DNAAF11: variants seen among roughly 807,000 people sequenced by gnomAD.
DNAAF11 encodes the protein dynein axonemal assembly factor 11, also known as leucine rich repeat containing 6.
In DNAAF11, 45 loss-of-function variants were observed where a neutral mutation model predicts 60.8. The observed-to-expected ratio is 0.74, with a 90% confidence interval of 0.58 to 0.95. The LOEUF is 0.95. Ranked by LOEUF, DNAAF11 falls within the 40% of genes least tolerant of loss-of-function variation. The pLI is 0.00. For missense variants in DNAAF11, 546 were observed against 546.2 expected (o/e 1.00, Z 0.00); for synonymous variants, 191 against 183.5 (o/e 1.04, Z -0.33).
chr8:132,587,630 G>A (rs1199964648), intron 10 of DNAAF11, among the ~76,000 whole-genome samples: 1 of 152,098 alleles, frequency 6.6e-6, no homozygotes, highest in African/African-American at 2.4e-5. Flanking sequence ...AATGTGTTTA[G>A]GAATGACTAA....
At chr8:132,674,762 G>A (rs1452915526) in intron 1 of DNAAF11, among the ~76,000 whole-genome samples, 1 of 152,174 alleles carries the variant, frequency 6.6e-6, no homozygotes, top group East Asian at 1.9e-4. Flanking sequence ...GGTGGTGCAC[G>A]CTGTAATCCC....
chr8:132,599,200 T>A (rs1376767441), intron 10 of DNAAF11, among the ~76,000 whole-genome samples: 2 of 152,066 alleles, frequency 1.3e-5, no homozygotes, highest in Admixed American at 6.5e-5. Flanking sequence ...CCTGGACATA[T>A]ACACCACCCC....
chr8:132,616,450 G>C (rs1168294277), intron 7 of DNAAF11, among the ~76,000 whole-genome samples: 1 of 152,156 alleles, frequency 6.6e-6, no homozygotes, highest in East Asian at 1.9e-4. Context: ...GGTGGGGTCA[G>C]TGAGATGTGG....
At chr8:132,579,454 A>G (rs1815092262) in intron 11 of DNAAF11, among the ~76,000 whole-genome samples, 2 of 152,150 alleles carry the variant, frequency 1.3e-5, no homozygotes, top group Admixed American at 6.5e-5. Context: ...GAAGCAGCCC[A>G]TCCTAGATTG....
chr8:132,696,915 G>A, the DNAAF11 span, among the ~76,000 whole-genome samples: 61 of 152,146 alleles, frequency 4.0e-4, no homozygotes, highest in African/African-American at 1.4e-3. Context: ...GGAGGGAGAG[G>A]AGCAGAAAAA....
intron 3 of DNAAF11, among the ~76,000 whole-genome samples, chr8:132,642,949 C>T (rs78737468): frequency 0.023 from 3,435 of 152,224 alleles, 157 homozygotes; most frequent in African/African-American, 0.078. Context: ...TTTCCACGGA[C>T]GGTGGGGTGG....
intron 5 of DNAAF11, among the ~76,000 whole-genome samples, chr8:132,628,023 C>T (rs917436323): frequency 2.0e-5 from 3 of 152,138 alleles, no homozygotes; most frequent in African/African-American, 7.2e-5. Flanking sequence ...TGATAATCCA[C>T]CCCCTAGTGA....
chr8:132,578,347 A>C lies in DNAAF11; in HGVS notation c.1226+5347T>G, dbSNP rs1017787691. On this transcript the variant is annotated intron_variant, in intron 11 of 11. Coordinates refer to ENST00000620350, the MANE Select transcript of DNAAF11 (RefSeq NM_012472.6). ...TGGAGTCAAAAACAGTAAGCAGCTA[A>C]GCCTGGGGCACTTGAAGATCACAAT... The C allele has an allele frequency of 1.1e-5, 10 of 918,228 alleles. No homozygotes were observed. The African/African-American group carries it at 1.7e-4, about 16-fold the overall frequency. The allele number at this position is 918,228 out of a possible 1,614,324, so 56.9% of individuals were successfully genotyped here.
At position 132,610,334 on chromosome 8, in the gene DNAAF11, T is replaced by C. The variant is rs1818536350; in HGVS notation, c.1045-73A>G. 3.2e-6 allele frequency: 3 copies of C among 934,210 alleles called. No individual in the cohort carries two copies. The Admixed American group carries it at 5.4e-5, about 17-fold the overall frequency. 57.9% of individuals were successfully genotyped at this position (934,210 alleles called of 1,614,324 possible). ...TGAGAGGGTTACTAAAAGGGGCATT[T>C]TCATTACAAATTCAAGATACACCAT... is the stretch of plus-strand genomic sequence containing the variant. On this transcript the variant is annotated intron_variant, in intron 9 of 11. Coordinates refer to ENST00000620350, the MANE Select transcript of DNAAF11 (RefSeq NM_012472.6).
chr8:132,599,874 A>ATT (rs1564001057), intron 10 of DNAAF11, among the ~76,000 whole-genome samples: 6 of 152,230 alleles, frequency 3.9e-5, no homozygotes, highest in Non-Finnish European at 7.3e-5. Context: ...CAAGACAGGG[A>ATT]TGCCCTCTCT....
the DNAAF11 span, among the ~76,000 whole-genome samples, chr8:132,699,349 A>T: frequency 1.3e-5 from 2 of 152,208 alleles, no homozygotes; most frequent in East Asian, 3.9e-4. Context: ...GGTAGAGCTG[A>T]GCTTGGTGAT....
At chr8:132,655,929 T>C (rs1823518933) in intron 3 of DNAAF11, among the ~76,000 whole-genome samples, 1 of 152,200 alleles carries the variant, frequency 6.6e-6, no homozygotes, top group Admixed American at 6.5e-5. Flanking sequence ...ATACAATAAA[T>C]ATTTTGCAGA....
the DNAAF11 span, among the ~76,000 whole-genome samples, chr8:132,699,656 C>T: frequency 6.6e-6 from 1 of 152,122 alleles, no homozygotes; most frequent in African/African-American, 2.4e-5. Context: ...GAGCACTTCA[C>T]AACCATTTAC....
At chr8:132,587,992 T>G (rs1033315250) in intron 10 of DNAAF11, among the ~76,000 whole-genome samples, 1 of 152,196 alleles carries the variant, frequency 6.6e-6, no homozygotes. Context: ...AGACGATCTA[T>G]ATCAACTATA....
Position 132,632,773 on chromosome 8 carries a change from T to C in DNAAF11, c.620A>G (p.Asp207Gly), listed in dbSNP as rs1181804238. The change falls in exon 5 of 12, where the codon GAT becomes GGT. Residue 207 changes from aspartate to glycine, a missense_variant. Transcript: ENST00000620350. ...ATTGATGTCTGTGTACCAACGTCCA[T>C]CAAAGCCTGCGTTACTTCTCTTGTC... ...NEDKRSNAGF[D>G]GRWYTDINAT... The C allele has an allele frequency of 5.0e-6, 8 of 1,613,780 alleles. No individual in the cohort carries two copies. The highest frequency in any genetic ancestry group is 5.9e-6 in the Non-Finnish European group (7 of 1,179,652).
intron 8 of DNAAF11, 141 bp downstream of exon 8, chr8:132,614,897 A>C: frequency 2.0e-6 from 1 of 503,736 alleles, no homozygotes; most frequent in Non-Finnish European, 3.5e-6. Context: ...AATTATAGTA[A>C]CTTCTCTGTC....
intron 1 of DNAAF11, among the ~76,000 whole-genome samples, chr8:132,672,790 T>C (rs896758084): frequency 6.6e-6 from 1 of 152,130 alleles, no homozygotes. Flanking sequence ...TTGAGAATTG[T>C]GGAAAGAGCC....
intron 3 of DNAAF11, among the ~76,000 whole-genome samples, chr8:132,649,624 A>G: frequency 6.6e-6 from 1 of 152,248 alleles, no homozygotes; most frequent in East Asian, 1.9e-4. Flanking sequence ...CCCATCTGAC[A>G]AAGGGATAAT....
rs1586617606 is a variant in DNAAF11, at chr8:132,625,282, C to T, written c.826G>A (p.Glu276Lys). 1 of 1,598,970 alleles carries T rather than the reference C, an allele frequency of 6.3e-7. No homozygotes were observed. The highest frequency in any genetic ancestry group is 8.5e-7 in the Non-Finnish European group (1 of 1,173,950). Residue 276 changes from glutamate to lysine, a missense_variant, in exon 6 of 12, where the codon GAA (glutamate) becomes AAA (lysine). By Grantham distance (56) the Glu-to-Lys change is moderately conservative. Coordinates refer to ENST00000620350, the MANE Select transcript of DNAAF11 (RefSeq NM_012472.6). The part of the protein sequence containing the change: ...RHMEKQRKKQ[E>K]KLSEKKKKVK... ...GAAAGAATGAAATACCTTAATTTTT[C>T]CTGTTTCTTCCGTTGTTTTTCCATG...
Sources: gnomAD v4.1 joint callset for allele counts (sites outside exome capture counted in the v4.1 genomes callset) on GRCh38, gnomAD v4.1.1 for gene constraint, MANE v1.5 for transcripts, NCBI Gene and HGNC (gene_info 2026-07-23, HGNC 2026-07-21) for gene names.